DCDC1: variants seen among roughly 807,000 people sequenced by gnomAD.
The protein encoded by DCDC1 is doublecortin domain containing 1, also known as doublecortin domain-containing protein 1.
DCDC1 carries 200 observed loss-of-function variants against 178.3 expected under a neutral mutation model. The ratio of observed to expected loss-of-function variants is 1.12; its 90% confidence interval spans 1.00 to 1.26. DCDC1 has a LOEUF of 1.26. DCDC1 is among the 50% of genes most tolerant of loss of function. DCDC1 has a pLI of 0.00. For missense variants in DCDC1, 1,983 were observed against 1,749.2 expected (o/e 1.13, Z -2.38); for synonymous variants, 690 against 604.8 (o/e 1.14, Z -2.07).
intron 3 of DCDC1, among the ~76,000 whole-genome samples, chr11:31,327,420 T>TC (rs1949707251): frequency 6.6e-6 from 1 of 152,130 alleles, no homozygotes; most frequent in Admixed American, 6.5e-5. Flanking sequence ...TCTGCCCGCC[T>TC]CAGTCTTCCA....
In DCDC1 at chr11:30,952,512, A is replaced by G; in HGVS notation, c.2648T>C (p.Val883Ala). 6.3e-7 allele frequency: 1 copy of G among 1,589,874 alleles called. No homozygotes were observed. The highest frequency in any genetic ancestry group is 8.5e-7 in the Non-Finnish European group (1 of 1,173,244). Residue 883 changes from valine to alanine, a missense_variant, in exon 21 of 39, where the codon GTT becomes GCT. By Grantham distance (64) the Val-to-Ala change is moderately conservative. Transcript: ENST00000684477. ...SKPGQWKHSR[V>A]ENPLWNKLTY... ...AAGCTTGTTCCATAGAGGATTTTCA[A>G]CTCTAGAATGTTTCCACTGGCCTGG...
At chr11:31,131,258 G>A (rs1191325587) in intron 10 of DCDC1, among the ~76,000 whole-genome samples, 1 of 151,884 alleles carries the variant, frequency 6.6e-6, no homozygotes, top group Non-Finnish European at 1.5e-5. Context: ...GAAATTAAAG[G>A]GAGAAGGTGA....
intron 16 of DCDC1, among the ~76,000 whole-genome samples, chr11:31,093,323 C>G (rs902110321): frequency 1.3e-5 from 2 of 152,186 alleles, no homozygotes; most frequent in African/African-American, 2.4e-5. Context: ...ATCTTCCCTC[C>G]TCCCAGCAAA....
chr11:31,069,200 TAATA>T, intron 18 of DCDC1, among the ~76,000 whole-genome samples: 1 of 152,142 alleles, frequency 6.6e-6, no homozygotes, highest in East Asian at 1.9e-4. Context: ...TTATAAAAAT[TAATA>T]CTTTAAAGAA....
chr11:31,022,862 T>C (rs558718423), intron 20 of DCDC1, among the ~76,000 whole-genome samples: 1 of 152,076 alleles, frequency 6.6e-6, no homozygotes, highest in Non-Finnish European at 1.5e-5. Context: ...TTATTTGGAT[T>C]GTTACTAGAC....
In DCDC1 at chr11:30,922,505, T is replaced by A. The variant is rs1946314508; in HGVS notation, c.3131A>T (p.Glu1044Val). 6 of 1,530,082 alleles carry A rather than the reference T, an allele frequency of 3.9e-6. No homozygotes were observed. Among genetic ancestry groups the A allele is most frequent in the African/African-American group, 1.4e-5 (1 of 69,886 alleles). 94.8% of individuals were successfully genotyped at this position (1,530,082 alleles called of 1,614,324 possible). ...AGGTAAATAATTCCAATGCTTACCT[T>A]CTATTTTATGTGTGCTGCAGAAGAT... ...IQIFCSTHKI[E>V]ALVLEVQSDI... Residue 1044 changes from glutamate to valine, a missense_variant and splice_region_variant, in exon 24 of 39, where the codon GAA (glutamate) becomes GTA (valine). Transcript: ENST00000684477.
chr11:31,277,764 G>C (rs1388141132), intron 7 of DCDC1, among the ~76,000 whole-genome samples: 1 of 151,874 alleles, frequency 6.6e-6, no homozygotes, highest in African/African-American at 2.4e-5. Context: ...TGTATTGTTT[G>C]TTTTCTTACT....
At chr11:31,122,298 T>C (rs908043194) in intron 11 of DCDC1, among the ~76,000 whole-genome samples, 3 of 152,258 alleles carry the variant, frequency 2.0e-5, no homozygotes, top group Admixed American at 1.3e-4. Flanking sequence ...TACTTAGCAA[T>C]TGGAATGAGA....
At chr11:31,314,699 T>C (rs1948963384) in intron 3 of DCDC1, among the ~76,000 whole-genome samples, 1 of 151,888 alleles carries the variant, frequency 6.6e-6, no homozygotes, top group Non-Finnish European at 1.5e-5. Flanking sequence ...TCGCTATCAT[T>C]TAAGAGTTTA....
intron 9 of DCDC1, among the ~76,000 whole-genome samples, chr11:31,231,449 G>T (rs1275676818): frequency 6.6e-6 from 1 of 152,130 alleles, no homozygotes; most frequent in Non-Finnish European, 1.5e-5. Context: ...ATGAGGAAGA[G>T]GTGTGCTTTG....
intron 17 of DCDC1, among the ~76,000 whole-genome samples, chr11:31,089,312 T>G (rs1156604605): frequency 1.3e-5 from 2 of 152,212 alleles, no homozygotes; most frequent in African/African-American, 4.8e-5. Flanking sequence ...GTCAGCCTTA[T>G]TTTAGCTCCT....
At chr11:31,334,474 A>T (rs567446330) in intron 2 of DCDC1, among the ~76,000 whole-genome samples, 1 of 152,220 alleles carries the variant, frequency 6.6e-6, no homozygotes, top group South Asian at 2.1e-4. Flanking sequence ...TGGTTTTTAG[A>T]ATTGTCAGCT....
At chr11:31,356,661 A>C (rs1951386336) in intron 1 of DCDC1, among the ~76,000 whole-genome samples, 1 of 151,182 alleles carries the variant, frequency 6.6e-6, no homozygotes, top group Non-Finnish European at 1.5e-5. Flanking sequence ...GGTTTTTTGA[A>C]AGGATCAACA....
At chr11:31,136,976 A>G (rs1358284097) in intron 10 of DCDC1, among the ~76,000 whole-genome samples, 1 of 152,196 alleles carries the variant, frequency 6.6e-6, no homozygotes, top group African/African-American at 2.4e-5. Context: ...CTTTGTTAGT[A>G]TTTCTAAAAT....
chr11:31,081,510 T>G (rs1188751042), intron 17 of DCDC1, among the ~76,000 whole-genome samples: 1 of 151,890 alleles, frequency 6.6e-6, no homozygotes, highest in Non-Finnish European at 1.5e-5. Context: ...CTCGGGAGGC[T>G]GAGACAGGAG....
At chr11:31,164,821 T>A (rs1232924069) in intron 9 of DCDC1, among the ~76,000 whole-genome samples, 2 of 152,202 alleles carry the variant, frequency 1.3e-5, no homozygotes, top group Non-Finnish European at 2.9e-5. Flanking sequence ...TAGCGTTCAG[T>A]AATATCCTAA....
chr11:31,348,440 A>C (rs1323052915), intron 1 of DCDC1, among the ~76,000 whole-genome samples: 1 of 152,208 alleles, frequency 6.6e-6, no homozygotes, highest in Non-Finnish European at 1.5e-5. Context: ...TGTACACTGG[A>C]AACACTTAGG....
chr11:31,115,839 T>C lies in DCDC1; in HGVS notation c.1486-5478A>G, dbSNP rs538511915. On this transcript the variant is annotated intron_variant, in intron 11 of 38. Coordinates refer to ENST00000684477, the MANE Select transcript of DCDC1 (RefSeq NM_001387274.1). ...GAAGGTACTTAAGGTTGTTCAGAAT[T>C]AAGAAAAGGGAGACATGCCTTTGCA... 1.8e-4 allele frequency among the ~76,000 whole-genome samples: 27 copies of C among 151,992 alleles called. 1 individual carries two copies. The South Asian group carries it at 5.0e-3, about 28-fold the overall frequency.
At chr11:30,913,537 C>A (rs1043066208) in intron 27 of DCDC1, among the ~76,000 whole-genome samples, 1 of 152,204 alleles carries the variant, frequency 6.6e-6, no homozygotes, top group South Asian at 2.1e-4. Context: ...TGGACTCTGA[C>A]GTTTCCAATG....
Sources: gnomAD v4.1 joint callset for allele counts (sites outside exome capture counted in the v4.1 genomes callset) on GRCh38, gnomAD v4.1.1 for gene constraint, MANE v1.5 for transcripts, NCBI Gene and HGNC (gene_info 2026-07-23, HGNC 2026-07-21) for gene names.